Variants in GALNT10 observed in about 807,000 individuals in gnomAD.
GALNT10 encodes GalNAc transferase 10.
Under a neutral mutation model 75.0 loss-of-function variants are expected in GALNT10, and 41 were observed. The observed-to-expected ratio is 0.55, with a 90% CI of 0.43 to 0.71. GALNT10 has a LOEUF of 0.71. Ranked by LOEUF, GALNT10 falls within the 30% of genes least tolerant of loss-of-function variation. GALNT10 has a pLI of 0.00. For missense variants in GALNT10, 727 were observed against 818.5 expected, an observed-to-expected ratio of 0.89 and a Z score of 1.36; for synonymous variants, 302 against 313.0, an observed-to-expected ratio of 0.96 and a Z score of 0.37.
chr5:154,383,123 T>C lies in GALNT10; in HGVS notation c.938+2492T>C, dbSNP rs1396589318. On this transcript the variant is annotated intron_variant, in intron 6 of 11. Coordinates refer to ENST00000297107, the MANE Select transcript of GALNT10 (RefSeq NM_198321.4). ...GGCAGTCACTGGTGTAGATGCTTTC[T>C]GAAGGGCCCTCCATCCTCTCCCATG... Among the ~76,000 whole-genome samples, 3 of 151,872 alleles carry C rather than the reference T, an allele frequency of 2.0e-5. No individual in the cohort carries two copies. In the East Asian group the frequency reaches 5.8e-4, roughly 29 times the overall value.
At chr5:154,250,448 G>A (rs1434338960) in intron 1 of GALNT10, among the ~76,000 whole-genome samples, 2 of 152,254 alleles carry the variant, frequency 1.3e-5, no homozygotes, top group African/African-American at 4.8e-5. Flanking sequence ...GGACTATGGG[G>A]TTAATTCATT....
In GALNT10 at chr5:154,352,660, A is replaced by G. The variant is rs2113145485; in HGVS notation, c.568+22922A>G. ...GGTCTTGCCTGTCATTCAGGAAGAGAGGAATTGGCCTTGGACCTGTCCCTG... is the reference window on the plus strand; with the variant it reads ...GGTCTTGCCTGTCATTCAGGAAGAGGGGAATTGGCCTTGGACCTGTCCCTG... On this transcript the variant is annotated intron_variant, in intron 4 of 11. Coordinates refer to ENST00000297107, the MANE Select transcript of GALNT10 (RefSeq NM_198321.4). The surrounding 1 kb of genome is among the most constrained non-coding windows in gnomAD (Gnocchi z 4.4). 6.6e-6 allele frequency among the ~76,000 whole-genome samples: 1 copy of G among 152,258 alleles called. No individual in the cohort carries two copies. The highest frequency in any genetic ancestry group is 2.4e-5 in the African/African-American group (1 of 41,546).
intron 7 of GALNT10, 184 bp downstream of exon 7, chr5:154,386,614 T>TTG: frequency 4.5e-6 from 1 of 222,806 alleles, no homozygotes; most frequent in Non-Finnish European, 8.6e-6. Flanking sequence ...TGGGGGGGTG[T>TTG]GGGAGGGAAG....
In GALNT10 at chr5:154,417,993, T is replaced by C. The variant is rs1756549949; in HGVS notation, c.*1021T>C. 1 of 152,186 alleles carries C rather than the reference T, an allele frequency of 6.6e-6. No homozygotes were observed. The highest frequency in any genetic ancestry group is 1.5e-5 in the Non-Finnish European group (1 of 68,030). The allele number at this position is 152,186 out of a possible 1,614,324, so 9.4% of individuals were successfully genotyped here. ...GACCTCATCATGGTTCTAGTTCTCA[T>C]ACAGAACTCCAGAATTTTTAAAGAA... On this transcript the variant is annotated 3_prime_UTR_variant, in exon 12 of 12. Coordinates refer to ENST00000297107, the MANE Select transcript of GALNT10 (RefSeq NM_198321.4).
At chr5:154,197,918 C>T (rs947977584) in intron 1 of GALNT10, among the ~76,000 whole-genome samples, 1 of 152,252 alleles carries the variant, frequency 6.6e-6, no homozygotes, top group Admixed American at 6.5e-5. Flanking sequence ...AGTGCTGAGT[C>T]CTTAACCACC....
At chr5:154,271,566 G>GTGTC (rs1435587414) in intron 1 of GALNT10, among the ~76,000 whole-genome samples, 2 of 152,228 alleles carry the variant, frequency 1.3e-5, no homozygotes, top group African/African-American at 2.4e-5. Context: ...GTGTGTGGGT[G>GTGTC]TGTCTGTCTG....
chr5:154,276,972 G>T (rs998403229), intron 1 of GALNT10, among the ~76,000 whole-genome samples: 1 of 152,126 alleles, frequency 6.6e-6, no homozygotes, highest in African/African-American at 2.4e-5. Flanking sequence ...ACACAGAACG[G>T]AACTGAATCC....
intron 1 of GALNT10, among the ~76,000 whole-genome samples, chr5:154,253,492 C>T (rs1218326437): frequency 2.0e-5 from 3 of 151,674 alleles, no homozygotes; most frequent in Non-Finnish European, 2.9e-5. Context: ...TGTAACAAAC[C>T]TGCACGTTGT....
chr5:154,287,841 T>G (rs1300403775), intron 1 of GALNT10, among the ~76,000 whole-genome samples: 1 of 151,958 alleles, frequency 6.6e-6, no homozygotes, highest in Non-Finnish European at 1.5e-5. Context: ...TGAGCTAAAT[T>G]AAGCCCTACC....
intron 9 of GALNT10, among the ~76,000 whole-genome samples, chr5:154,411,282 T>G (rs1756392037): frequency 6.6e-6 from 1 of 152,262 alleles, no homozygotes; most frequent in Non-Finnish European, 1.5e-5. Flanking sequence ...GTTCCTTTTG[T>G]GTTGGCCTCA....
chr5:154,190,912 C>A lies in GALNT10; in HGVS notation c.46C>A (p.Leu16Met). ...GCTCCTGCAGGCGGTGGCGCTGGTGCTGGCGGCCCTGGTCCTCCTGCCCAA... is the reference window on the plus strand; with the variant it reads ...GCTCCTGCAGGCGGTGGCGCTGGTGATGGCGGCCCTGGTCCTCCTGCCCAA... ...KRLLQAVALV[L>M]AALVLLPNVG... Residue 16 changes from leucine (L) to methionine (M), a missense_variant, in exon 1 of 12, where the codon CTG (leucine) becomes ATG (methionine). By Grantham distance (15) the Leu-to-Met change is conservative (BLOSUM62 2). Transcript: ENST00000297107. 6.7e-7 allele frequency: 1 copy of A among 1,481,894 alleles called. No individual in the cohort carries two copies. The highest frequency in any genetic ancestry group is 9.0e-7 in the Non-Finnish European group (1 of 1,115,348). 91.8% of individuals were successfully genotyped at this position (1,481,894 alleles called of 1,614,324 possible). A position where few individuals can be genotyped will look rare whatever the true frequency, so the allele number is the denominator to read the frequency against.
At chr5:154,325,223 A>G (rs1754738648) in intron 3 of GALNT10, among the ~76,000 whole-genome samples, 1 of 152,108 alleles carries the variant, frequency 6.6e-6, no homozygotes, top group Non-Finnish European at 1.5e-5. Flanking sequence ...TAAAAATTTG[A>G]CTGTAGATTC....
chr5:154,196,150 C>T (rs1220394420), intron 1 of GALNT10, among the ~76,000 whole-genome samples: 1 of 152,020 alleles, frequency 6.6e-6, no homozygotes, highest in Non-Finnish European at 1.5e-5. Context: ...CTCGAACTCC[C>T]GACCTCAGGT....
chr5:154,274,890 T>G (rs577653718), intron 1 of GALNT10, among the ~76,000 whole-genome samples: 1 of 152,312 alleles, frequency 6.6e-6, no homozygotes, highest in East Asian at 1.9e-4. Flanking sequence ...CACATGGGCA[T>G]GCATGCACTC....
intron 4 of GALNT10, among the ~76,000 whole-genome samples, chr5:154,353,298 G>T (rs153412): frequency 1.3e-5 from 2 of 151,866 alleles, no homozygotes; most frequent in Non-Finnish European, 2.9e-5. Flanking sequence ...ACCACCCCCC[G>T]CAAAACGACC....
intron 3 of GALNT10, among the ~76,000 whole-genome samples, chr5:154,309,489 G>C (rs532937519): frequency 2.2e-4 from 34 of 152,350 alleles, no homozygotes; most frequent in African/African-American, 7.9e-4. Flanking sequence ...GAAGCAGGGA[G>C]ACTAGTTAGG....
At chr5:154,251,356 C>G (rs1483221551) in intron 1 of GALNT10, among the ~76,000 whole-genome samples, 1 of 151,982 alleles carries the variant, frequency 6.6e-6, no homozygotes, top group Non-Finnish European at 1.5e-5. Context: ...ACAGGTTTCC[C>G]CTTCATTTTT....
chr5:154,228,683 G>A (rs754682686), intron 1 of GALNT10, among the ~76,000 whole-genome samples: 3 of 152,190 alleles, frequency 2.0e-5, no homozygotes, highest in Non-Finnish European at 4.4e-5. Context: ...TAAGGATGGC[G>A]GGAGTCCCAA....
chr5:154,256,409 G>T (rs1753614313), intron 1 of GALNT10, among the ~76,000 whole-genome samples: 1 of 149,434 alleles, frequency 6.7e-6, no homozygotes, highest in Non-Finnish European at 1.5e-5. Context: ...CCTTAGACCT[G>T]CAGTTTGAGA....
Sources: allele counts gnomAD v4.1 joint callset (sites outside exome capture counted in the v4.1 genomes callset), GRCh38; gene constraint gnomAD v4.1.1; non-coding constraint Gnocchi (gnomAD v3.1); transcripts MANE v1.5; gene names NCBI Gene and HGNC (gene_info 2026-07-23, HGNC 2026-07-21).